DLG4: variants seen among roughly 807,000 people sequenced by gnomAD.
DLG4 encodes disks large homolog 4.
DLG4 carries 7 observed loss-of-function variants against 93.8 expected under a neutral mutation model. That is an observed-to-expected ratio of 0.07 (90% CI 0.04 to 0.14). DLG4 has a LOEUF of 0.14. Among genes scored for constraint, DLG4 ranks in the 10% least tolerant of loss-of-function variants. The pLI is 1.00. For synonymous variants in DLG4, 341 were observed against 387.6 expected (o/e 0.88, Z 1.41); for missense variants, 545 against 992.9 (o/e 0.55, Z 6.06).
chr17:7,218,166 A>G (rs986452193), upstream of DLG4: 3 of 1,332,340 alleles, frequency 2.3e-6, no homozygotes, highest in Non-Finnish European at 3.1e-6. Flanking sequence ...TCCAGGTAAT[A>G]TTAGTGATAT....
upstream of DLG4, chr17:7,219,837 A>T: frequency 6.5e-7 from 1 of 1,537,508 alleles, no homozygotes; most frequent in Non-Finnish European, 8.7e-7. Context: ...AGGGAACTAC[A>T]GCTCCCAGCA....
chr17:7,202,036 A>C (rs193024533), intron 8 of DLG4, among the ~76,000 whole-genome samples: 2 of 152,288 alleles, frequency 1.3e-5, no homozygotes, highest in East Asian at 3.9e-4. Context: ...CTTTCATCCA[A>C]AAGAGATGGT....
Position 7,191,370 on chromosome 17 carries a change from G to C in DLG4, c.1977-12C>G. On this transcript the variant is annotated splice_polypyrimidine_tract_variant and intron_variant, in intron 18 of 19. Coordinates refer to ENST00000399506, the MANE Select transcript of DLG4 (RefSeq NM_001321075.3). The surrounding 1 kb of genome is among the most constrained non-coding windows in gnomAD (Gnocchi z 6.6). ...GCTTGTTAATCTCTCTGTGAAGAGG[G>C]AGGGAGAGCAGGCCTGAGACTGGAC... is the stretch of plus-strand genomic sequence containing the variant. 2 of 1,613,244 alleles carry C rather than the reference G, an allele frequency of 1.2e-6. No individual in the cohort carries two copies. Among genetic ancestry groups the C allele is most frequent in the African/African-American group, 2.7e-5 (2 of 74,992 alleles).
chr17:7,203,880 G>A lies in DLG4; in HGVS notation c.211-64C>T. The A allele has an allele frequency of 6.2e-7, 1 of 1,600,914 alleles. No individual in the cohort carries two copies. Among genetic ancestry groups the A allele is most frequent in the Non-Finnish European group, 8.5e-7 (1 of 1,173,650 alleles). ...GCCCAAGTCTGGCAAGGCAAGTGGGGTGGGAAATGGCTTGGAGCAGCCAGA... is the reference window on the plus strand; with the variant it reads ...GCCCAAGTCTGGCAAGGCAAGTGGGATGGGAAATGGCTTGGAGCAGCCAGA... On this transcript the variant is annotated intron_variant, in intron 4 of 19. Coordinates refer to ENST00000399506, the MANE Select transcript of DLG4 (RefSeq NM_001321075.3). The surrounding 1 kb of genome is among the most constrained non-coding windows in gnomAD (Gnocchi z 7.2).
At chr17:7,202,699 G>A in intron 8 of DLG4, 2 of 687,680 alleles carry the variant, frequency 2.9e-6, no homozygotes, top group Non-Finnish European at 4.7e-6. Context: ...GTGCCTTCCA[G>A]GAGAGAGATC....
At chr17:7,192,693 G>C (rs2069567899) in intron 17 of DLG4, among the ~76,000 whole-genome samples, 1 of 151,804 alleles carries the variant, frequency 6.6e-6, no homozygotes. Flanking sequence ...CAAGGAGAAG[G>C]GAGTGGGGAG....
upstream of DLG4, chr17:7,218,733 C>T: frequency 6.4e-7 from 1 of 1,574,226 alleles, no homozygotes; most frequent in Non-Finnish European, 8.7e-7. Context: ...TGCCCTTCAC[C>T]CCAGCCCCTA....
chr17:7,207,927 A>C, intron 2 of DLG4: 1 of 531,318 alleles, frequency 1.9e-6, no homozygotes. Flanking sequence ...CCTCCCCCAG[A>C]CCCCAGGAGC....
At chr17:7,197,918 G>GC (rs2069884880) in intron 8 of DLG4, among the ~76,000 whole-genome samples, 1 of 152,014 alleles carries the variant, frequency 6.6e-6, no homozygotes, top group Non-Finnish European at 1.5e-5. Context: ...TCAATTCAGA[G>GC]TTTTTTTTAG....
chr17:7,218,507 G>C, upstream of DLG4: 1 of 1,546,830 alleles, frequency 6.5e-7, no homozygotes, highest in African/African-American at 1.4e-5. Context: ...ATGGCCCTTG[G>C]AGGCCCAGGT....
rs117205002 is a variant in DLG4, at chr17:7,207,778, C to T, written c.96+396G>A. Among the ~76,000 whole-genome samples the T allele has an allele frequency of 3.2e-4, 48 of 150,792 alleles. No individual in the cohort carries two copies. In the East Asian group the frequency reaches 7.9e-3, roughly 25 times the overall value. On this transcript the variant is annotated intron_variant, in intron 2 of 19. Coordinates refer to ENST00000399506, the MANE Select transcript of DLG4 (RefSeq NM_001321075.3). The stretch of plus-strand genomic sequence containing the variant: ...ACACAGGCACGCATGCATGCACACA[C>T]GCACAGGCACACACACAGCACACGC...
At position 7,217,189 on chromosome 17, in the gene DLG4, T is replaced by C; in HGVS notation, c.-42A>G. On this transcript the variant is annotated 5_prime_UTR_variant, in exon 1 of 20. Transcript: ENST00000399506. The stretch of plus-strand genomic sequence containing the variant: ...GCGGCGGCGGGTAAGGGGCTCTGAC[T>C]TCATCGGAGTTTCGTTCCTCCCCTC... 1 of 1,270,156 alleles carries C rather than the reference T, an allele frequency of 7.9e-7. No individual in the cohort carries two copies. Among genetic ancestry groups the C allele is most frequent in the Non-Finnish European group, 1.0e-6 (1 of 1,001,360 alleles). 78.7% of individuals were successfully genotyped at this position (1,270,156 alleles called of 1,614,324 possible). A position where few individuals can be genotyped will look rare whatever the true frequency, so the allele number is the denominator to read the frequency against.
At position 7,188,573 on chromosome 17, in the gene DLG4, G is replaced by A. The variant is rs2069356350; in HGVS notation, c.*2135C>T. Among the ~76,000 whole-genome samples, 1 of 152,110 alleles carries A rather than the reference G, an allele frequency of 6.6e-6. No homozygotes were observed. Among genetic ancestry groups the A allele is most frequent in the Non-Finnish European group, 1.5e-5 (1 of 68,012 alleles). On this transcript the variant is annotated 3_prime_UTR_variant, in exon 20 of 20. Coordinates refer to ENST00000399506, the MANE Select transcript of DLG4 (RefSeq NM_001321075.3). ...ACCATTCTACATAGCAGGATCTCAG[G>A]AGCTTCAGTTAGGACTTAGGGCCAG...
rs1276684526 is a variant in DLG4 at position 7,203,376 on chromosome 17, G to A, written c.506-47C>T. ...GGTGGGTGCCCAGGAAGCAGGCTTG[G>A]GGGCACAGGACAGTTGGGATGGGGG... is the stretch of plus-strand genomic sequence containing the variant. On this transcript the variant is annotated intron_variant, in intron 6 of 19. Coordinates refer to ENST00000399506, the MANE Select transcript of DLG4 (RefSeq NM_001321075.3). The surrounding 1 kb of genome is among the most constrained non-coding windows in gnomAD (Gnocchi z 7.2). The A allele has an allele frequency of 5.0e-6, 8 of 1,587,780 alleles. No homozygotes were observed. The highest frequency in any genetic ancestry group is 1.7e-4 in the Middle Eastern group (1 of 6,012).
chr17:7,192,542 A>G, intron 17 of DLG4: 1 of 236,068 alleles, frequency 4.2e-6, no homozygotes, highest in Non-Finnish European at 8.2e-6. Context: ...GAGTTAGCAG[A>G]GGAGTGGGAG....
chr17:7,217,671 A>AC (rs2070993433), upstream of DLG4: 1 of 1,210,526 alleles, frequency 8.3e-7, no homozygotes, highest in South Asian at 1.3e-5. Flanking sequence ...AGGAGCCAGA[A>AC]TGGGGGGGGT....
intron 8 of DLG4, among the ~76,000 whole-genome samples, chr17:7,200,737 G>A (rs1256018540): frequency 2.0e-5 from 3 of 151,552 alleles, no homozygotes; most frequent in African/African-American, 4.8e-5. Flanking sequence ...GTAGAGATGG[G>A]GTTTCTCCAT....
At chr17:7,204,805 T>C (rs1487550944) in intron 2 of DLG4, 3 of 310,954 alleles carry the variant, frequency 9.6e-6, no homozygotes, top group Non-Finnish European at 1.3e-5. Flanking sequence ...CCCTAAACCC[T>C]GCACCCCGGG....
intron 8 of DLG4, among the ~76,000 whole-genome samples, chr17:7,201,751 G>A (rs1015379511): frequency 4.6e-5 from 7 of 151,970 alleles, no homozygotes; most frequent in African/African-American, 1.7e-4. Flanking sequence ...CGTGATGGTG[G>A]GCACCTGTAA....
Sources: allele counts gnomAD v4.1 joint callset (sites outside exome capture counted in the v4.1 genomes callset), GRCh38; gene constraint gnomAD v4.1.1; non-coding constraint Gnocchi (gnomAD v3.1); transcripts MANE v1.5; gene names NCBI Gene and HGNC (gene_info 2026-07-23, HGNC 2026-07-21).